Variants in MAGI3 observed in about 807,000 individuals in gnomAD.
MAGI3 encodes membrane-associated guanylate kinase, WW and PDZ domain-containing protein 3.
A neutral mutation model predicts 121.8 loss-of-function variants in MAGI3; 43 were observed. The observed-to-expected ratio is 0.35, with a 90% CI of 0.28 to 0.46. The LOEUF is 0.46. Among genes scored for constraint, MAGI3 ranks in the 20% least tolerant of loss-of-function variants. The pLI is 1.00. For synonymous variants in MAGI3, 553 were observed against 639.3 expected (o/e 0.86, Z 2.04); for missense variants, 1,547 against 1,797.3 (o/e 0.86, Z 2.52).
At chr1:113,421,043 T>C (rs1652709772) in intron 1 of MAGI3, among the ~76,000 whole-genome samples, 1 of 152,230 alleles carries the variant, frequency 6.6e-6, no homozygotes, top group Non-Finnish European at 1.5e-5. Flanking sequence ...TGTATTTTTT[T>C]CTTGAAAGGT....
chr1:113,663,235 A>AATATATATATATATATAT (rs3081634), intron 16 of MAGI3, among the ~76,000 whole-genome samples: 3 of 144,060 alleles, frequency 2.1e-5, no homozygotes, highest in South Asian at 4.5e-4. Flanking sequence ...CAAAAACAGA[A>AATATATATATATATATAT]ATATATATAT....
chr1:113,635,666 A>G (rs1285660485), intron 9 of MAGI3, among the ~76,000 whole-genome samples: 1 of 152,094 alleles, frequency 6.6e-6, no homozygotes, highest in Admixed American at 6.6e-5. Context: ...ATGTTCATCA[A>G]GGATATTGGT....
chr1:113,544,014 G>A (rs1467152306), intron 1 of MAGI3, among the ~76,000 whole-genome samples: 1 of 152,026 alleles, frequency 6.6e-6, no homozygotes, highest in Non-Finnish European at 1.5e-5. Flanking sequence ...CAATGTATAT[G>A]GTATTTTTGA....
At chr1:113,549,061 G>A (rs1270605950) in intron 1 of MAGI3, among the ~76,000 whole-genome samples, 2 of 152,156 alleles carry the variant, frequency 1.3e-5, no homozygotes, top group Non-Finnish European at 2.9e-5. Context: ...GGAATTAAAA[G>A]TTCTGTTTTG....
intron 6 of MAGI3, among the ~76,000 whole-genome samples, chr1:113,600,863 A>C (rs190487859): frequency 6.6e-6 from 1 of 152,318 alleles, no homozygotes; most frequent in East Asian, 1.9e-4. Flanking sequence ...TACTGGTACC[A>C]AAACAGAGAT....
intron 7 of MAGI3, among the ~76,000 whole-genome samples, chr1:113,614,985 C>T (rs1471682594): frequency 6.6e-6 from 1 of 152,122 alleles, no homozygotes; most frequent in Non-Finnish European, 1.5e-5. Context: ...GATGAATTAT[C>T]AAGGTCATTT....
In MAGI3 at chr1:113,684,074, A is replaced by G. The variant is rs1252476826; in HGVS notation, c.*60A>G. On this transcript the variant is annotated 3_prime_UTR_variant, in exon 21 of 21. Coordinates refer to ENST00000307546, the MANE Select transcript of MAGI3 (RefSeq NM_001142782.2). ...TCTTTTCTTACAGCAGCATTTTTCC[A>G]GAAAAAGCCTTTTTTTTTTTTTCAG... is the stretch of plus-strand genomic sequence containing the variant. 1.4e-6 allele frequency: 2 copies of G among 1,441,604 alleles called. No homozygotes were observed. The highest frequency in any genetic ancestry group is 6.1e-5 in the Admixed American group (2 of 32,768). 89.3% of individuals were successfully genotyped at this position (1,441,604 alleles called of 1,614,324 possible). A position where few individuals can be genotyped will look rare whatever the true frequency, so the allele number is the denominator to read the frequency against.
chr1:113,503,107 T>C lies in MAGI3; in HGVS notation c.317-46408T>C, dbSNP rs1364844384. 1.8e-4 allele frequency among the ~76,000 whole-genome samples: 17 copies of C among 96,946 alleles called. No homozygotes were observed. The East Asian group carries it at 7.8e-3, about 45-fold the overall frequency. The allele number at this position is 96,946 out of a possible 152,430, so 63.6% of individuals were successfully genotyped here. On this transcript the variant is annotated intron_variant, in intron 1 of 20. Coordinates refer to ENST00000307546, the MANE Select transcript of MAGI3 (RefSeq NM_001142782.2). ...GGGGGAGGGGTAGCATTGGGAGATA[T>C]ACCTAATGCTAGATGACACATTAGT...
chr1:113,395,622 A>G (rs1651068834), intron 1 of MAGI3, among the ~76,000 whole-genome samples: 2 of 151,916 alleles, frequency 1.3e-5, no homozygotes, highest in African/African-American at 4.8e-5. Flanking sequence ...CAGTATGTAT[A>G]TATGTATATA....
rs188323237 is a variant in MAGI3 at position 113,485,895 on chromosome 1, C to A, written c.317-63620C>A. Among the ~76,000 whole-genome samples, 912 of 152,228 alleles carry A rather than the reference C, an allele frequency of 6.0e-3. 32 individuals carry two copies. Among genetic ancestry groups the A allele is most frequent in the Admixed American group, 0.053 (804 of 15,296 alleles). The stretch of plus-strand genomic sequence containing the variant: ...TTTTCTACATCTGACTTGCCAATTA[C>A]CCTGGCACTATTTGTTGAATAGGGT... On this transcript the variant is annotated intron_variant, in intron 1 of 20. Transcript: ENST00000307546.
At chr1:113,514,722 A>G (rs1657800488) in intron 1 of MAGI3, among the ~76,000 whole-genome samples, 1 of 152,142 alleles carries the variant, frequency 6.6e-6, no homozygotes, top group Non-Finnish European at 1.5e-5. Flanking sequence ...ACATGTATAC[A>G]TATAGTAACT....
chr1:113,622,976 G>A lies in MAGI3; in HGVS notation c.1342G>A (p.Asp448Asn). The A allele has an allele frequency of 6.6e-7, 1 of 1,524,370 alleles. No homozygotes were observed. The highest frequency in any genetic ancestry group is 8.7e-7 in the Non-Finnish European group (1 of 1,144,940). 94.4% of individuals were successfully genotyped at this position (1,524,370 alleles called of 1,614,324 possible). ...GCTGAAAGATGGTCCCGCAGCTCAG[G>A]ATGGGAAAATTGCACCAGGTAAGAA... ...NVLKDGPAAQDGKIAPGDVIV... is the reference protein window; with the variant it reads ...NVLKDGPAAQNGKIAPGDVIV... The change falls in exon 9 of 21, where the codon GAT becomes AAT. Residue 448 changes from aspartate (D) to asparagine (N), a missense_variant. Asp to Asn is a conservative substitution (Grantham distance 23). Coordinates refer to ENST00000307546, the MANE Select transcript of MAGI3 (RefSeq NM_001142782.2).
intron 9 of MAGI3, among the ~76,000 whole-genome samples, chr1:113,623,551 G>T (rs1017086493): frequency 1.3e-5 from 2 of 150,462 alleles, no homozygotes; most frequent in Admixed American, 6.6e-5. Flanking sequence ...GCAGTGGCGC[G>T]ATCTCGGCTC....
At chr1:113,444,222 A>C (rs1055205969) in intron 1 of MAGI3, among the ~76,000 whole-genome samples, 1 of 152,232 alleles carries the variant, frequency 6.6e-6, no homozygotes, top group Non-Finnish European at 1.5e-5. Flanking sequence ...TAGAGTGGGC[A>C]AAAAGCACCT....
At chr1:113,672,388 C>G (rs1157058973) in intron 17 of MAGI3, among the ~76,000 whole-genome samples, 3 of 152,024 alleles carry the variant, frequency 2.0e-5, no homozygotes, top group African/African-American at 7.3e-5. Flanking sequence ...TCTGAGATGT[C>G]CTTAAAAAAA....
chr1:113,393,489 C>T (rs536083186), intron 1 of MAGI3, among the ~76,000 whole-genome samples: 13 of 152,230 alleles, frequency 8.5e-5, no homozygotes, highest in Admixed American at 8.5e-4. Context: ...AATTTTTAAT[C>T]TCTTTTAAAA....
At chr1:113,550,256 A>G (rs1659715077) in intron 2 of MAGI3, among the ~76,000 whole-genome samples, 1 of 148,302 alleles carries the variant, frequency 6.7e-6, no homozygotes. Context: ...TAAAAATACA[A>G]AAAAAAAAAA....
rs1341533045 is a variant in MAGI3 at position 113,684,747 on chromosome 1, C to G, written c.*733C>G. The G allele has an allele frequency of 6.6e-6, 1 of 152,344 alleles. No homozygotes were observed. Among genetic ancestry groups the G allele is most frequent in the East Asian group, 1.9e-4 (1 of 5,336 alleles). The allele number at this position is 152,344 out of a possible 1,614,324, so 9.4% of individuals were successfully genotyped here. A position where few individuals can be genotyped will look rare whatever the true frequency, so the allele number is the denominator to read the frequency against. ...AAGTACTTTAAGCAATAGAGTTCAT[C>G]TCCTGCTGTGTTATCCAACCTCGAT... is the stretch of plus-strand genomic sequence containing the variant. On this transcript the variant is annotated 3_prime_UTR_variant, in exon 21 of 21. Coordinates refer to ENST00000307546, the MANE Select transcript of MAGI3 (RefSeq NM_001142782.2).
At chr1:113,527,160 G>C (rs1021256374) in intron 1 of MAGI3, among the ~76,000 whole-genome samples, 1 of 152,108 alleles carries the variant, frequency 6.6e-6, no homozygotes, top group Non-Finnish European at 1.5e-5. Context: ...ATGTCAGTGA[G>C]GGGGAGAAAA....
Sources: gnomAD v4.1 joint callset for allele counts (sites outside exome capture counted in the v4.1 genomes callset) on GRCh38, gnomAD v4.1.1 for gene constraint, MANE v1.5 for transcripts, NCBI Gene and HGNC (gene_info 2026-07-23, HGNC 2026-07-21) for gene names.